The following DPP10 variants were observed in gnomAD, a reference collection of about 807,000 sequenced individuals.
DPP10 encodes the protein dipeptidyl peptidase like 10, also known as inactive dipeptidyl peptidase 10.
DPP10 carries 33 observed loss-of-function variants against 120.9 expected under a neutral mutation model. The ratio of observed to expected loss-of-function variants is 0.27; its 90% CI spans 0.21 to 0.37. DPP10 has a LOEUF of 0.37. DPP10 is among the 10% of genes least tolerant of loss of function. The pLI, the probability that DPP10 is intolerant of heterozygous loss-of-function variation, is 1.00. For synonymous variants in DPP10, 337 were observed against 326.1 expected, an observed-to-expected ratio of 1.03 and a Z score of -0.36; for missense variants, 816 against 942.8, an observed-to-expected ratio of 0.87 and a Z score of 1.76.
chr2:115,499,358 A>T (rs943156233), intron 3 of DPP10, 152 bp from the exon 4 acceptor site: 33 of 590,412 alleles, frequency 5.6e-5, no homozygotes, highest in East Asian at 5.5e-4. Flanking sequence ...CTTTCACGAG[A>T]ATGAATGCCA....
intron 1 of DPP10, among the ~76,000 whole-genome samples, chr2:115,163,528 C>T (rs375724575): frequency 6.6e-6 from 1 of 152,238 alleles, no homozygotes; most frequent in South Asian, 2.1e-4. Flanking sequence ...AAACATCATA[C>T]GTTCCTTCCT....
chr2:115,468,585 CG>C, intron 3 of DPP10: 2 of 394,192 alleles, frequency 5.1e-6, no homozygotes, highest in East Asian at 6.5e-5. Flanking sequence ...GATGGTGGCC[CG>C]GGGAGTTCTG....
intron 1 of DPP10, among the ~76,000 whole-genome samples, chr2:115,036,280 C>T (rs909796864): frequency 4.6e-5 from 7 of 152,130 alleles, no homozygotes; most frequent in Non-Finnish European, 7.4e-5. Context: ...CAATTACCTC[C>T]GCCTTGTCCT....
intron 5 of DPP10, among the ~76,000 whole-genome samples, chr2:115,573,891 C>T (rs2081500349): frequency 6.6e-6 from 1 of 152,116 alleles, no homozygotes. Context: ...GTGTTATTCT[C>T]ATCTTCCTAT....
At chr2:114,491,987 A>C (rs1015876714) in intron 1 of DPP10, among the ~76,000 whole-genome samples, 1 of 152,190 alleles carries the variant, frequency 6.6e-6, no homozygotes, top group Non-Finnish European at 1.5e-5. Context: ...AAAATGGACT[A>C]ATGAATGAAT....
chr2:114,897,739 A>G (rs1039915564), intron 1 of DPP10, among the ~76,000 whole-genome samples: 2 of 152,222 alleles, frequency 1.3e-5, no homozygotes, highest in African/African-American at 4.8e-5. Flanking sequence ...CAAAAAACAC[A>G]TGACAAAATG....
chr2:115,393,036 G>C (rs899659204), intron 3 of DPP10, among the ~76,000 whole-genome samples: 4 of 151,786 alleles, frequency 2.6e-5, no homozygotes, highest in Admixed American at 1.3e-4. Context: ...GAATAGGCTG[G>C]GTGCGGTGGC....
chr2:115,036,722 A>C (rs987997064), intron 1 of DPP10, among the ~76,000 whole-genome samples: 1 of 152,108 alleles, frequency 6.6e-6, no homozygotes, highest in Non-Finnish European at 1.5e-5. Flanking sequence ...TTTTCAAAGT[A>C]CTTTATGCTC....
chr2:115,826,511 A>G (rs1377550030), intron 21 of DPP10, among the ~76,000 whole-genome samples: 1 of 152,162 alleles, frequency 6.6e-6, no homozygotes, highest in East Asian at 1.9e-4. Context: ...ACCTGAGGTC[A>G]GGAGTTCGAG....
chr2:115,135,162 T>C (rs1263759801), intron 1 of DPP10, among the ~76,000 whole-genome samples: 1 of 151,906 alleles, frequency 6.6e-6, no homozygotes, highest in East Asian at 1.9e-4. Context: ...AACACCGTCA[T>C]GTACGTAAAA....
chr2:115,536,410 T>A (rs2078843910), intron 5 of DPP10, among the ~76,000 whole-genome samples: 1 of 152,018 alleles, frequency 6.6e-6, no homozygotes, highest in African/African-American at 2.4e-5. Context: ...TCTTTAATAT[T>A]TATAGATAGT....
chr2:115,410,937 T>A (rs2068907376), intron 3 of DPP10, among the ~76,000 whole-genome samples: 1 of 152,204 alleles, frequency 6.6e-6, no homozygotes, highest in Admixed American at 6.5e-5. Context: ...TTTTTTAATG[T>A]TTTCACTTCT....
intron 1 of DPP10, among the ~76,000 whole-genome samples, chr2:115,195,968 G>T (rs1397918767): frequency 6.6e-6 from 1 of 152,184 alleles, no homozygotes; most frequent in Non-Finnish European, 1.5e-5. Flanking sequence ...TAGTGGAACA[G>T]AAGCAGAGAT....
rs574334920 is a variant in DPP10, at chr2:115,635,271, G to C, written c.442-54416G>C. Among the ~76,000 whole-genome samples, 4 of 152,156 alleles carry C rather than the reference G, an allele frequency of 2.6e-5. No homozygotes were observed. In the South Asian group the frequency reaches 8.3e-4, roughly 32 times the overall value. On this transcript the variant is annotated intron_variant, in intron 5 of 25. Transcript: ENST00000410059. ...CGGTAGTCTTAGGCAGTCTCCAGCCGAGTAGCCGCTGAGAATCTGCACAAC... is the reference window on the plus strand; with the variant it reads ...CGGTAGTCTTAGGCAGTCTCCAGCCCAGTAGCCGCTGAGAATCTGCACAAC...
At chr2:114,870,609 G>A (rs1690618181) in intron 1 of DPP10, among the ~76,000 whole-genome samples, 1 of 85,086 alleles carries the variant, frequency 1.2e-5, no homozygotes, top group Non-Finnish European at 2.7e-5. Context: ...AGGTGAAGAT[G>A]TCACCCTAGA....
intron 1 of DPP10, chr2:115,161,874 C>T (rs1573839789): frequency 3.7e-6 from 5 of 1,340,150 alleles, no homozygotes; most frequent in Non-Finnish European, 4.8e-6. Context: ...GACGGGCGCC[C>T]GTGACCTGCG....
At chr2:115,543,796 A>G (rs17044647) in intron 5 of DPP10, among the ~76,000 whole-genome samples, 2,145 of 152,160 alleles carry the variant, frequency 0.014, 53 homozygotes, top group African/African-American at 0.049. Flanking sequence ...GACACAGTCA[A>G]TGAGCGTTAA....
At chr2:114,875,111 C>G (rs779586892) in intron 1 of DPP10, among the ~76,000 whole-genome samples, 5 of 152,122 alleles carry the variant, frequency 3.3e-5, no homozygotes, top group Non-Finnish European at 7.4e-5. Context: ...AATTTTGTAG[C>G]TTGCCTTTAC....
intron 5 of DPP10, among the ~76,000 whole-genome samples, chr2:115,678,597 A>G (rs1282669694): frequency 6.6e-6 from 1 of 152,222 alleles, no homozygotes; most frequent in Non-Finnish European, 1.5e-5. Context: ...TACTAGGGCA[A>G]TGCAGAAGGA....
Sources: allele counts gnomAD v4.1 joint callset (sites outside exome capture counted in the v4.1 genomes callset), GRCh38; gene constraint gnomAD v4.1.1; transcripts MANE v1.5; gene names NCBI Gene and HGNC (gene_info 2026-07-23, HGNC 2026-07-21).